Variants in LMX1B observed in about 807,000 individuals in gnomAD.
LMX1B encodes LIM homeobox transcription factor 1-beta.
A neutral mutation model predicts 51.4 loss-of-function variants in LMX1B; 12 were observed. The observed-to-expected ratio is 0.23, with a 90% CI of 0.15 to 0.38. The LOEUF is 0.38. Among genes scored for constraint, LMX1B ranks in the 10% least tolerant of loss-of-function variants. LMX1B has a pLI of 1.00. For missense variants in LMX1B, 445 were observed against 571.1 expected (o/e 0.78, Z 2.25); for synonymous variants, 237 against 235.4 (o/e 1.01, Z -0.06).
At chr9:126,665,214 C>T (rs1836319319) in intron 2 of LMX1B, among the ~76,000 whole-genome samples, 2 of 152,340 alleles carry the variant, frequency 1.3e-5, no homozygotes, top group South Asian at 2.1e-4. Context: ...CTGGCTGAGC[C>T]GGTCCCCCTC....
At position 126,659,000 on chromosome 9, in the gene LMX1B, G is replaced by C. The variant is rs1836175589; in HGVS notation, c.327-31836G>C. Among the ~76,000 whole-genome samples, 1 of 152,226 alleles carries C rather than the reference G, an allele frequency of 6.6e-6. No individual in the cohort carries two copies. Among genetic ancestry groups the C allele is most frequent in the Non-Finnish European group, 1.5e-5 (1 of 68,036 alleles). On this transcript the variant is annotated intron_variant, in intron 2 of 7. Coordinates refer to ENST00000373474, the MANE Select transcript of LMX1B (RefSeq NM_001174147.2). The surrounding 1 kb of genome is among the most constrained non-coding windows in gnomAD (Gnocchi z 4.0). ...TGGGAGGGACCCTTCAGGGGGCTGA[G>C]AGGCGGGTGTTCTGGGGCTGGGGTC...
intron 2 of LMX1B, among the ~76,000 whole-genome samples, chr9:126,665,030 C>T (rs1437740364): frequency 6.6e-6 from 1 of 152,248 alleles, no homozygotes; most frequent in Non-Finnish European, 1.5e-5. Context: ...ATGCCTGTAC[C>T]GTCCTTAGCG....
intron 2 of LMX1B, among the ~76,000 whole-genome samples, chr9:126,687,952 G>T (rs75966180): frequency 6.6e-6 from 1 of 152,148 alleles, no homozygotes; most frequent in Non-Finnish European, 1.5e-5. Context: ...GCCATTAGTC[G>T]CTCTCACCCC....
rs1378092811 is a variant in LMX1B, at chr9:126,639,938, T to A, written c.326+24369T>A. Among the ~76,000 whole-genome samples, 4 of 152,250 alleles carry A rather than the reference T, an allele frequency of 2.6e-5. No homozygotes were observed. The South Asian group carries it at 8.3e-4, about 32-fold the overall frequency. The stretch of plus-strand genomic sequence containing the variant: ...ACCTCAATGTGTTTGATATTTCCAC[T>A]GATCTAATTTGCAGCCTGGTAGTTT... On this transcript the variant is annotated intron_variant, in intron 2 of 7. Coordinates refer to ENST00000373474, the MANE Select transcript of LMX1B (RefSeq NM_001174147.2).
chr9:126,646,317 T>C (rs1835899451), intron 2 of LMX1B, among the ~76,000 whole-genome samples: 2 of 151,538 alleles, frequency 1.3e-5, no homozygotes, highest in African/African-American at 2.4e-5. Flanking sequence ...GCCACCTACC[T>C]ATCCATCCAT....
rs2030295167 is a variant in LMX1B, at chr9:126,695,576, GC to G, written c.887-261del. On this transcript the variant is annotated intron_variant, in intron 6 of 7. Transcript: ENST00000373474. This position sits in a 1 kb window ranked among gnomAD's most constrained non-coding sequence, Gnocchi z 5.2. ...AATCACTATTGCCTGTGTGGGGTCT[GC>G]CGCCTCCCTGGATCCCCTGGAGGGG... Among the ~76,000 whole-genome samples, 1 of 152,208 alleles carries G rather than the reference GC, an allele frequency of 6.6e-6. No individual in the cohort carries two copies. Among genetic ancestry groups the G allele is most frequent in the Non-Finnish European group, 1.5e-5 (1 of 68,030 alleles).
chr9:126,663,103 CTTG>C (rs1251748218), intron 2 of LMX1B, among the ~76,000 whole-genome samples: 1 of 152,120 alleles, frequency 6.6e-6, no homozygotes, highest in African/African-American at 2.4e-5. Context: ...CTCTCTGAGC[CTTG>C]TTGACCTCAG....
At position 126,615,293 on chromosome 9, in the gene LMX1B, G is replaced by A. The variant is rs1255160230; in HGVS notation, c.140-90G>A. The A allele has an allele frequency of 9.5e-7, 1 of 1,050,292 alleles. No homozygotes were observed. The highest frequency in any genetic ancestry group is 1.2e-6 in the Non-Finnish European group (1 of 816,040). The allele number at this position is 1,050,292 out of a possible 1,614,324, so 65.1% of individuals were successfully genotyped here. A position where few individuals can be genotyped will look rare whatever the true frequency, so the allele number is the denominator to read the frequency against. ...GTGATCCCGGGCGGCCCGAGCCCTC[G>A]GGGCCGAGGGCTGTGGGCCCGGTGC... On this transcript the variant is annotated intron_variant, in intron 1 of 7. Coordinates refer to ENST00000373474, the MANE Select transcript of LMX1B (RefSeq NM_001174147.2). The surrounding 1 kb of genome is among the most constrained non-coding windows in gnomAD (Gnocchi z 6.0).
At chr9:126,667,148 A>G (rs1836356120) in intron 2 of LMX1B, among the ~76,000 whole-genome samples, 1 of 152,204 alleles carries the variant, frequency 6.6e-6, no homozygotes, top group East Asian at 1.9e-4. Context: ...GTAACGTTCC[A>G]GGCCTTTCCT....
At chr9:126,623,544 AT>A (rs1334585296) in intron 2 of LMX1B, among the ~76,000 whole-genome samples, 1 of 152,072 alleles carries the variant, frequency 6.6e-6, no homozygotes, top group Admixed American at 6.5e-5. Flanking sequence ...TCTGTAGCAG[AT>A]TTTTCCCGGC....
intron 2 of LMX1B, among the ~76,000 whole-genome samples, chr9:126,631,123 G>C (rs189629626): frequency 6.6e-6 from 1 of 152,256 alleles, no homozygotes; most frequent in Non-Finnish European, 1.5e-5. Context: ...AGTGAGCAGC[G>C]ACAGACCCCT....
chr9:126,681,708 C>A (rs953691794), intron 2 of LMX1B, among the ~76,000 whole-genome samples: 3 of 152,070 alleles, frequency 2.0e-5, no homozygotes, highest in African/African-American at 7.2e-5. Context: ...CGTGACCAGC[C>A]TGGCCAACAT....
At position 126,614,097 on chromosome 9, in the gene LMX1B, CCTG is replaced by C. The variant is rs1564143045; in HGVS notation, c.-351_-349del. ...CCCTGCACCCCCACCCCCTCCCCCG[CCTG>C]CCGCCGCCGCCACCGCCACCGCCGC... is the stretch of plus-strand genomic sequence containing the variant. On this transcript the variant is annotated 5_prime_UTR_variant, in exon 1 of 8. Coordinates refer to ENST00000373474, the MANE Select transcript of LMX1B (RefSeq NM_001174147.2). Among the ~76,000 whole-genome samples, 13 of 141,146 alleles carry C rather than the reference CCTG, an allele frequency of 9.2e-5. No individual in the cohort carries two copies. Among genetic ancestry groups the C allele is most frequent in the African/African-American group, 2.3e-4 (9 of 39,544 alleles). 92.6% of individuals were successfully genotyped at this position (141,146 alleles called of 152,430 possible). A position where few individuals can be genotyped will look rare whatever the true frequency, so the allele number is the denominator to read the frequency against.
chr9:126,642,070 T>C (rs538433994), intron 2 of LMX1B, among the ~76,000 whole-genome samples: 1 of 152,022 alleles, frequency 6.6e-6, no homozygotes, highest in African/African-American at 2.4e-5. Context: ...ACAGCTCTGG[T>C]GTGTCTCGTG....
intron 2 of LMX1B, among the ~76,000 whole-genome samples, chr9:126,620,594 C>G (rs1259555189): frequency 6.6e-6 from 1 of 152,122 alleles, no homozygotes; most frequent in Admixed American, 6.5e-5. Flanking sequence ...TGGGCTCTTT[C>G]TCCTTTGGGG....
chr9:126,660,394 A>G (rs1467202348), intron 2 of LMX1B, among the ~76,000 whole-genome samples: 1 of 152,162 alleles, frequency 6.6e-6, no homozygotes, highest in Non-Finnish European at 1.5e-5. Context: ...TCCGTGTACA[A>G]CTGCTTGGAG....
intron 2 of LMX1B, among the ~76,000 whole-genome samples, chr9:126,657,532 T>TG (rs201157209): frequency 2.0e-5 from 3 of 151,928 alleles, no homozygotes; most frequent in South Asian, 2.1e-4. Flanking sequence ...GGACTGGGGT[T>TG]GGGGGGAGAA....
chr9:126,694,354 C>T (rs1205526502), intron 6 of LMX1B, among the ~76,000 whole-genome samples: 1 of 152,184 alleles, frequency 6.6e-6, no homozygotes, highest in East Asian at 1.9e-4. Flanking sequence ...GCCTGGAGCT[C>T]AAGCCTGTAC....
chr9:126,624,406 C>T (rs1364919023), intron 2 of LMX1B, among the ~76,000 whole-genome samples: 1 of 152,240 alleles, frequency 6.6e-6, no homozygotes, highest in Non-Finnish European at 1.5e-5. Context: ...CCTCCCCAAG[C>T]CCTCCTGCCG....
Sources: gnomAD v4.1 joint callset for allele counts (sites outside exome capture counted in the v4.1 genomes callset) on GRCh38, gnomAD v4.1.1 for gene constraint, Gnocchi (gnomAD v3.1) non-coding constraint, MANE v1.5 for transcripts, NCBI Gene and HGNC (gene_info 2026-07-23, HGNC 2026-07-21) for gene names.